Variants in RIMS2 observed in about 807,000 individuals in gnomAD.
The protein encoded by RIMS2 is regulating synaptic membrane exocytosis 2, also known as regulating synaptic membrane exocytosis protein 2.
Under a neutral mutation model 174.4 loss-of-function variants are expected in RIMS2, and 59 were observed. The observed-to-expected ratio is 0.34, with a 90% CI of 0.27 to 0.42. The LOEUF (loss-of-function observed/expected upper bound fraction) is 0.42. Among genes scored for constraint, RIMS2 ranks in the 10% least tolerant of loss-of-function variants. The pLI, the probability that RIMS2 is intolerant of heterozygous loss-of-function variation, is 1.00. For missense variants in RIMS2, 1,620 were observed against 1,666.3 expected, an observed-to-expected ratio of 0.97 and a Z score of 0.48; for synonymous variants, 606 against 572.5, an observed-to-expected ratio of 1.06 and a Z score of -0.84.
intron 19 of RIMS2, among the ~76,000 whole-genome samples, chr8:104,055,208 T>G (rs2096849219): frequency 6.6e-6 from 1 of 152,166 alleles, no homozygotes; most frequent in Non-Finnish European, 1.5e-5. Context: ...AAAAATATTC[T>G]ATATCATCAT....
intron 19 of RIMS2, among the ~76,000 whole-genome samples, chr8:104,168,415 T>A (rs1452781215): frequency 1.4e-4 from 21 of 152,152 alleles, no homozygotes. Context: ...TTTTATTTTC[T>A]TTTTGCAGCT....
intron 3 of RIMS2, among the ~76,000 whole-genome samples, chr8:103,783,072 T>A (rs77437341): frequency 0.12 from 18,877 of 152,126 alleles, 1,273 homozygotes; most frequent in Middle Eastern, 0.22. Context: ...TGCCTGAGGC[T>A]GAGATCTCAT....
chr8:103,568,605 A>G (rs1470901733), intron 1 of RIMS2: 4 of 555,030 alleles, frequency 7.2e-6, no homozygotes, highest in Non-Finnish European at 1.4e-5. Context: ...TGTAACTGTG[A>G]TCAGTTGTGA....
chr8:104,167,312 C>T (rs1586369798), intron 19 of RIMS2, among the ~76,000 whole-genome samples: 1 of 152,114 alleles, frequency 6.6e-6, no homozygotes. Context: ...TTACCCATCT[C>T]CTCCAGCCAC....
chr8:104,089,000 T>G (rs1317925660), intron 19 of RIMS2, among the ~76,000 whole-genome samples: 1 of 151,924 alleles, frequency 6.6e-6, no homozygotes, highest in Non-Finnish European at 1.5e-5. Flanking sequence ...TCCTGTAAAT[T>G]TTTCTAGTTC....
chr8:103,998,054 A>T (rs1195182430), intron 17 of RIMS2: 3 of 627,254 alleles, frequency 4.8e-6, no homozygotes, highest in Non-Finnish European at 8.1e-6. Context: ...CAAGCTTTCC[A>T]ATAACAGTTT....
At chr8:103,732,091 G>A (rs954754779) in intron 2 of RIMS2, among the ~76,000 whole-genome samples, 3 of 152,266 alleles carry the variant, frequency 2.0e-5, no homozygotes, top group South Asian at 2.1e-4. Context: ...GGTTTTCCAT[G>A]TATTCAAAGG....
chr8:104,174,652 C>T (rs996365907), intron 19 of RIMS2, among the ~76,000 whole-genome samples: 1 of 152,006 alleles, frequency 6.6e-6, no homozygotes, highest in African/African-American at 2.4e-5. Context: ...GTAGGTATTA[C>T]GATTCTTGAT....
intron 1 of RIMS2, among the ~76,000 whole-genome samples, chr8:103,615,989 G>A (rs929347249): frequency 5.3e-5 from 8 of 152,088 alleles, no homozygotes; most frequent in African/African-American, 1.7e-4. Context: ...TGAAAAAATC[G>A]AGGAGAAGGG....
At chr8:104,086,551 T>C (rs1049734597) in intron 19 of RIMS2, among the ~76,000 whole-genome samples, 1 of 152,090 alleles carries the variant, frequency 6.6e-6, no homozygotes, top group African/African-American at 2.4e-5. Context: ...AAGGTCATAA[T>C]TGACTACTGG....
chr8:104,155,080 T>A (rs1566729389), intron 19 of RIMS2, among the ~76,000 whole-genome samples: 1 of 151,950 alleles, frequency 6.6e-6, no homozygotes, highest in African/African-American at 2.4e-5. Flanking sequence ...TCTGGGGGTG[T>A]TAGTTTTTTT....
intron 1 of RIMS2, among the ~76,000 whole-genome samples, chr8:103,679,755 A>C: frequency 6.6e-6 from 1 of 152,112 alleles, no homozygotes; most frequent in East Asian, 1.9e-4. Context: ...AGAAAGTAGA[A>C]AAATATTTCT....
At chr8:103,869,553 C>T (rs368603896) in intron 3 of RIMS2, among the ~76,000 whole-genome samples, 1 of 151,904 alleles carries the variant, frequency 6.6e-6, no homozygotes, top group East Asian at 1.9e-4. Flanking sequence ...CAACTCCTGA[C>T]CTCAGATGAT....
intron 2 of RIMS2, among the ~76,000 whole-genome samples, chr8:103,748,806 C>CA (rs1554793408): frequency 5.4e-5 from 8 of 147,242 alleles, no homozygotes; most frequent in Non-Finnish European, 9.0e-5. Context: ...ATACATTCTA[C>CA]TTTTTTTTTT....
exon 4 of RIMS2, chr8:103,885,343 C>T (rs1281128268): frequency 1.7e-5 from 27 of 1,610,512 alleles, no homozygotes; most frequent in Non-Finnish European, 2.3e-5. Flanking sequence ...GAAGATACGA[C>T]CAAAGGGAAG....
At chr8:104,131,346 A>C (rs2132967817) in intron 19 of RIMS2, among the ~76,000 whole-genome samples, 1 of 152,314 alleles carries the variant, frequency 6.6e-6, no homozygotes, top group Non-Finnish European at 1.5e-5. Context: ...AGAGAGAGTA[A>C]GGATAAGAGA....
intron 2 of RIMS2, among the ~76,000 whole-genome samples, chr8:103,751,872 G>A (rs2097897341): frequency 1.3e-5 from 2 of 151,818 alleles, no homozygotes; most frequent in Admixed American, 6.6e-5. Flanking sequence ...AGTAGGTTGA[G>A]AAAATTTTCT....
chr8:103,933,974 G>A lies in RIMS2; in HGVS notation c.2376-2577G>A, dbSNP rs184918474. Among the ~76,000 whole-genome samples the A allele has an allele frequency of 3.4e-4, 51 of 152,160 alleles. No individual in the cohort carries two copies. The East Asian group carries it at 9.1e-3, about 27-fold the overall frequency. On this transcript the variant is annotated intron_variant, in intron 12 of 23. Transcript: ENST00000504942. ...GACTACATAGAAGAAATCTAGTATA[G>A]AATTTCAGTTAAGCCATGTGAAAAT...
Position 104,002,972 on chromosome 8 carries a change from C to A in RIMS2, c.3045-10470C>A, listed in dbSNP as rs76158478. Among the ~76,000 whole-genome samples the A allele has an allele frequency of 9.7e-3, 1,482 of 152,216 alleles. 18 individuals are homozygous for A. Among genetic ancestry groups the A allele is most frequent in the East Asian group, 0.045 (235 of 5,174 alleles). ...TTGATTCATTGTGCATTTTTAAATT[C>A]ACTCATTTGAACAAACATGTTTAGG... On this transcript the variant is annotated intron_variant, in intron 17 of 23. Coordinates refer to ENST00000504942, the Ensembl canonical transcript of RIMS2.
Sources: gnomAD v4.1 joint callset for allele counts (sites outside exome capture counted in the v4.1 genomes callset) on GRCh38, gnomAD v4.1.1 for gene constraint, MANE v1.5 for transcripts, NCBI Gene and HGNC (gene_info 2026-07-23, HGNC 2026-07-21) for gene names.